GOLGA5: variants seen among roughly 807,000 people sequenced by gnomAD.
GOLGA5 encodes the protein golgin subfamily A member 5.
GOLGA5 carries 50 observed loss-of-function variants against 93.5 expected under a neutral mutation model. That is an observed-to-expected ratio of 0.53 (90% CI 0.43 to 0.68). The LOEUF (loss-of-function observed/expected upper bound fraction) is 0.68. GOLGA5 is among the 30% of genes least tolerant of loss of function. The pLI is 0.00. For synonymous variants in GOLGA5, 312 were observed against 304.5 expected (o/e 1.02, Z -0.26); for missense variants, 760 against 856.4 (o/e 0.89, Z 1.40).
At chr14:92,800,201 A>T (rs1010925611) in intron 2 of GOLGA5, among the ~76,000 whole-genome samples, 1 of 152,240 alleles carries the variant, frequency 6.6e-6, no homozygotes, top group Non-Finnish European at 1.5e-5. Context: ...ATGTAAACAG[A>T]TAATTTACTT....
chr14:92,814,366 C>T (rs891938255), intron 6 of GOLGA5, among the ~76,000 whole-genome samples: 5 of 152,042 alleles, frequency 3.3e-5, no homozygotes, highest in Non-Finnish European at 7.4e-5. Flanking sequence ...GGTGCATGAT[C>T]ACCAACCACA....
At chr14:92,798,046 G>C (rs993796751) in intron 2 of GOLGA5, 65 bp downstream of exon 2, 1 of 1,056,470 alleles carries the variant, frequency 9.5e-7, no homozygotes, top group Admixed American at 2.3e-5. Context: ...CATATGATCC[G>C]ATGGTGTTTC....
Position 92,806,823 on chromosome 14 carries a change from A to G in GOLGA5, c.632A>G (p.His211Arg). 6.2e-7 allele frequency: 1 copy of G among 1,613,510 alleles called. No individual in the cohort carries two copies. The highest frequency in any genetic ancestry group is 8.5e-7 in the Non-Finnish European group (1 of 1,179,434). The stretch of plus-strand genomic sequence containing the variant: ...TCATCAAATGCTGCCTGCCCTGACC[A>G]CACCCCAACACCTAATGATGATGGC... Reference protein sequence around the residue: ...NVSSNAACPDHTPTPNDDGKS... With the variant: ...NVSSNAACPDRTPTPNDDGKS... Residue 211 changes from histidine (H) to arginine (R), a missense_variant, in exon 3 of 13, where the codon CAC (histidine) becomes CGC (arginine). Transcript: ENST00000163416.
At chr14:92,796,997 A>T (rs1225608215) in intron 1 of GOLGA5, among the ~76,000 whole-genome samples, 1 of 146,678 alleles carries the variant, frequency 6.8e-6, no homozygotes, top group Non-Finnish European at 1.5e-5. Context: ...AAAAAAAAAA[A>T]AGATTTGCCC....
intron 12 of GOLGA5, among the ~76,000 whole-genome samples, chr14:92,838,726 G>GA (rs916903640): frequency 6.6e-6 from 1 of 152,168 alleles, no homozygotes; most frequent in Non-Finnish European, 1.5e-5. Flanking sequence ...AATGGCATCA[G>GA]AAAGCATTCA....
At chr14:92,795,976 G>C (rs1884717975) in intron 1 of GOLGA5, among the ~76,000 whole-genome samples, 1 of 152,210 alleles carries the variant, frequency 6.6e-6, no homozygotes, top group African/African-American at 2.4e-5. Flanking sequence ...TCATTACTTT[G>C]ATGTATTGTG....
Position 92,797,971 on chromosome 14 carries a change from C to T in GOLGA5, c.534C>T (p.Ser178=), listed in dbSNP as rs372821434. The change falls in exon 2 of 13, where the codon AGC becomes AGT. Residue 178 remains serine, a synonymous_variant. Coordinates refer to ENST00000163416, the MANE Select transcript of GOLGA5 (RefSeq NM_005113.4). ...CCATTGAAGAAAATTCTTTTGGGAG[C>T]CAAACCCACGGTAGTTAATCAGTCC... The part of the protein sequence containing the change: ...IKTIEENSFG[S]QTHEAASNSD... 78 of 1,579,952 alleles carry T rather than the reference C, an allele frequency of 4.9e-5. No homozygotes were observed. The highest frequency in any genetic ancestry group is 6.6e-5 in the Non-Finnish European group (77 of 1,166,602).
In GOLGA5 at chr14:92,809,391, T is replaced by C. The variant is rs751931044; in HGVS notation, c.864T>C (p.Asp288=). ...RMTRGLRAQV[D]DLTEAVAAKD... ...CTCGAGGACTCCGAGCCCAAGTAGA[T>C]GACCTGACTGAAGCTGTGGCTGCAA... Residue 288 remains aspartate, a synonymous_variant, in exon 4 of 13, where the codon GAT becomes GAC. Transcript: ENST00000163416. 6.2e-7 allele frequency: 1 copy of C among 1,613,654 alleles called. No homozygotes were observed.
At chr14:92,832,265 A>C (rs1258160852) in intron 9 of GOLGA5, among the ~76,000 whole-genome samples, 1 of 152,094 alleles carries the variant, frequency 6.6e-6, no homozygotes, top group African/African-American at 2.4e-5. Context: ...GTTTATGTTC[A>C]ATATAATTCC....
At chr14:92,839,279 G>T in intron 12 of GOLGA5, 87 bp from the exon 13 acceptor site, 1 of 792,314 alleles carries the variant, frequency 1.3e-6, no homozygotes, top group Non-Finnish European at 2.2e-6. Context: ...AGGCAGGTAA[G>T]ACACAGTGCC....
intron 10 of GOLGA5, 111 bp downstream of exon 10, chr14:92,833,458 T>G (rs1284296876): frequency 2.6e-6 from 2 of 757,702 alleles, no homozygotes; most frequent in African/African-American, 1.7e-5. Flanking sequence ...GGACTCAATT[T>G]TCTGATATGA....
At chr14:92,795,634 T>A (rs1249594251) in intron 1 of GOLGA5, among the ~76,000 whole-genome samples, 1 of 152,252 alleles carries the variant, frequency 6.6e-6, no homozygotes, top group Non-Finnish European at 1.5e-5. Context: ...TGTGAGTGCC[T>A]ACTGTGTGCT....
chr14:92,797,260 C>T, intron 1 of GOLGA5, 148 bp from the exon 2 acceptor site: 3 of 526,532 alleles, frequency 5.7e-6, no homozygotes, highest in Non-Finnish European at 1.0e-5. Context: ...TTCTCAGCCT[C>T]ATTTAAGTAG....
intron 6 of GOLGA5, among the ~76,000 whole-genome samples, chr14:92,815,438 A>T (rs1214932705): frequency 6.6e-6 from 1 of 152,198 alleles, no homozygotes; most frequent in African/African-American, 2.4e-5. Context: ...AGAGGGTACT[A>T]TCTATAGAGA....
intron 2 of GOLGA5, among the ~76,000 whole-genome samples, chr14:92,799,804 A>G (rs1428750889): frequency 6.7e-6 from 1 of 150,112 alleles, no homozygotes; most frequent in African/African-American, 2.5e-5. Flanking sequence ...ATAGGGTTTC[A>G]TCACGTTGGC....
intron 3 of GOLGA5, among the ~76,000 whole-genome samples, chr14:92,808,322 C>A (rs1885033236): frequency 6.6e-6 from 1 of 151,874 alleles, no homozygotes; most frequent in Admixed American, 6.6e-5. Flanking sequence ...ACTTTACCCA[C>A]ACTAATTTAG....
chr14:92,794,386 G>C lies in GOLGA5; in HGVS notation c.-101G>C, dbSNP rs1200161254. The C allele has an allele frequency of 2.0e-5, 3 of 152,288 alleles. No individual in the cohort carries two copies. Among genetic ancestry groups the C allele is most frequent in the African/African-American group, 7.2e-5 (3 of 41,460 alleles). The allele number at this position is 152,288 out of a possible 1,614,324, so 9.4% of individuals were successfully genotyped here. A position where few individuals can be genotyped will look rare whatever the true frequency, so the allele number is the denominator to read the frequency against. ...GGTTTACTCAGCTTGGGCCCCCTCC[G>C]GGCCAGCCGCCGAGGGGGCGCGGCC... is the stretch of plus-strand genomic sequence containing the variant. On this transcript the variant is annotated 5_prime_UTR_variant, in exon 1 of 13. Transcript: ENST00000163416.
intron 7 of GOLGA5, among the ~76,000 whole-genome samples, chr14:92,817,944 GT>G (rs1885242942): frequency 6.6e-6 from 1 of 152,108 alleles, no homozygotes. Flanking sequence ...TTTCTGACAT[GT>G]AATAGACCCT....
intron 5 of GOLGA5, 62 bp downstream of exon 5, chr14:92,810,439 TGTTTC>T: frequency 1.6e-6 from 2 of 1,273,174 alleles, no homozygotes; most frequent in Non-Finnish European, 1.1e-6. Flanking sequence ...GACTTTATGC[TGTTTC>T]ATAGCACATT....
Sources: gnomAD v4.1 joint callset for allele counts (sites outside exome capture counted in the v4.1 genomes callset) on GRCh38, gnomAD v4.1.1 for gene constraint, MANE v1.5 for transcripts, NCBI Gene and HGNC (gene_info 2026-07-23, HGNC 2026-07-21) for gene names.